The following SPMIP3 variants were observed in gnomAD, a reference collection of about 807,000 sequenced individuals.
SPMIP3 encodes sperm microtubule inner protein 3.
the SPMIP3 span, chr1:244,378,372 T>C: frequency 7.7e-7 from 1 of 1,291,738 alleles, no homozygotes; most frequent in Non-Finnish European, 1.1e-6. Flanking sequence ...TCTGTTAGCC[T>C]CACGGCCGTT....
chr1:244,357,987 C>T, the SPMIP3 span, among the ~76,000 whole-genome samples: 1 of 152,126 alleles, frequency 6.6e-6, no homozygotes. Context: ...ACTCAGAAGG[C>T]TGAAGGGGGA....
the SPMIP3 span, among the ~76,000 whole-genome samples, chr1:244,354,150 C>CT: frequency 1.3e-5 from 2 of 150,836 alleles, no homozygotes; most frequent in African/African-American, 2.4e-5. Context: ...GTTCCATTGA[C>CT]TCACTGAATT....
chr1:244,387,772 G>A, the SPMIP3 span, among the ~76,000 whole-genome samples: 1 of 152,140 alleles, frequency 6.6e-6, no homozygotes, highest in Non-Finnish European at 1.5e-5. Flanking sequence ...CCTGGACCAG[G>A]GTGTGATGGG....
chr1:244,361,676 C>G, the SPMIP3 span, among the ~76,000 whole-genome samples: 1 of 152,162 alleles, frequency 6.6e-6, no homozygotes, highest in Non-Finnish European at 1.5e-5. Flanking sequence ...ACATGTACCC[C>G]ATAAATACAT....
the SPMIP3 span, among the ~76,000 whole-genome samples, chr1:244,368,077 C>T: frequency 1.3e-5 from 2 of 152,166 alleles, no homozygotes; most frequent in African/African-American, 4.8e-5. Flanking sequence ...TTTCATGCCT[C>T]AGCCTCTCGA....
the SPMIP3 span, among the ~76,000 whole-genome samples, chr1:244,363,934 G>A: frequency 6.6e-6 from 1 of 152,106 alleles, no homozygotes; most frequent in East Asian, 1.9e-4. Flanking sequence ...GATTCTTGTT[G>A]TGAGGCACTC....
At chr1:244,360,415 G>C in the SPMIP3 span, among the ~76,000 whole-genome samples, 64,732 of 151,254 alleles carry the variant, frequency 0.43, 14,211 homozygotes, top group Middle Eastern at 0.52. Flanking sequence ...GATATCTGCA[G>C]TCCTGTGTTT....
At chr1:244,367,034 G>C in the SPMIP3 span, among the ~76,000 whole-genome samples, 1 of 152,302 alleles carries the variant, frequency 6.6e-6, no homozygotes, top group South Asian at 2.1e-4. Context: ...AGCTCTCTCA[G>C]CAGTTGTCAG....
chr1:244,366,158 C>T, the SPMIP3 span, among the ~76,000 whole-genome samples: 2 of 152,194 alleles, frequency 1.3e-5, no homozygotes, highest in South Asian at 2.1e-4. Context: ...GAGCAAGCCT[C>T]GTGTTTAGTT....
chr1:244,360,536 ACACACACACACACACACACACATG>A, the SPMIP3 span, among the ~76,000 whole-genome samples: 8 of 63,170 alleles, frequency 1.3e-4, no homozygotes, highest in African/African-American at 4.0e-4. Flanking sequence ...ACACACACAC[ACACACACACACACACACACACATG>A]CATGCATGGA....
chr1:244,376,879 C>T, the SPMIP3 span, among the ~76,000 whole-genome samples: 2 of 151,882 alleles, frequency 1.3e-5, no homozygotes, highest in Admixed American at 1.3e-4. Context: ...GGCGTGATCT[C>T]GGCTCGCTGC....
At chr1:244,358,744 A>G in the SPMIP3 span, among the ~76,000 whole-genome samples, 3 of 152,148 alleles carry the variant, frequency 2.0e-5, no homozygotes, top group African/African-American at 7.2e-5. Flanking sequence ...TGGGCATACA[A>G]TGTTTTCAGT....
the SPMIP3 span, among the ~76,000 whole-genome samples, chr1:244,355,675 C>T: frequency 2.7e-4 from 41 of 152,220 alleles, no homozygotes; most frequent in East Asian, 5.6e-3. Flanking sequence ...CATGAGCCAC[C>T]GCGCCCAGCC....
chr1:244,379,443 CA>C, the SPMIP3 span, among the ~76,000 whole-genome samples: 1 of 152,032 alleles, frequency 6.6e-6, no homozygotes, highest in African/African-American at 2.4e-5. Flanking sequence ...TGGCCTCAAG[CA>C]ATCCTCCTGC....
chr1:244,385,321 G>T, the SPMIP3 span, among the ~76,000 whole-genome samples: 4 of 152,212 alleles, frequency 2.6e-5, no homozygotes, highest in African/African-American at 9.7e-5. Context: ...TATTGCTTAA[G>T]AAATTCTTCC....
chr1:244,358,923 T>A, the SPMIP3 span, among the ~76,000 whole-genome samples: 2 of 152,054 alleles, frequency 1.3e-5, no homozygotes, highest in Admixed American at 1.3e-4. Context: ...TTCAGGGAGA[T>A]GAAAGTTATG....
At chr1:244,383,706 G>T in the SPMIP3 span, among the ~76,000 whole-genome samples, 1 of 152,142 alleles carries the variant, frequency 6.6e-6, no homozygotes, top group African/African-American at 2.4e-5. Context: ...ATGTGCAAAG[G>T]CCTTGTGGCA....
chr1:244,383,179 C>T, the SPMIP3 span, among the ~76,000 whole-genome samples: 1 of 152,088 alleles, frequency 6.6e-6, no homozygotes, highest in Non-Finnish European at 1.5e-5. Flanking sequence ...AGCTTTTAGC[C>T]ATACCACATG....
At chr1:244,388,765 T>G in the SPMIP3 span, among the ~76,000 whole-genome samples, 1 of 152,226 alleles carries the variant, frequency 6.6e-6, no homozygotes, top group Non-Finnish European at 1.5e-5. Flanking sequence ...ATATGCCTCT[T>G]AATCAGAGAC....
Sources: allele counts gnomAD v4.1 joint callset (sites outside exome capture counted in the v4.1 genomes callset), GRCh38; gene constraint gnomAD v4.1.1; transcripts MANE v1.5; gene names NCBI Gene and HGNC (gene_info 2026-07-23, HGNC 2026-07-21).